ADGRB3: variants seen among roughly 807,000 people sequenced by gnomAD.
The protein encoded by ADGRB3 is adhesion G protein-coupled receptor B3, also known as brain-specific angiogenesis inhibitor 3.
ADGRB3 carries 37 observed loss-of-function variants against 193.4 expected under a neutral mutation model. The observed-to-expected ratio is 0.19, with a 90% CI of 0.15 to 0.25. The LOEUF (loss-of-function observed/expected upper bound fraction) is 0.25, where lower values mean the gene tolerates loss of function less well. Ranked by LOEUF, ADGRB3 falls within the 10% of genes least tolerant of loss-of-function variation. The pLI is 1.00. For synonymous variants in ADGRB3, 690 were observed against 644.2 expected (o/e 1.07, Z -1.08); for missense variants, 1,637 against 1,852.9 (o/e 0.88, Z 2.14).
At chr6:69,278,707 G>A (rs544660590) in intron 20 of ADGRB3, among the ~76,000 whole-genome samples, 1 of 152,090 alleles carries the variant, frequency 6.6e-6, no homozygotes, top group African/African-American at 2.4e-5. Flanking sequence ...GAAGACCATG[G>A]GTTCCAGGTT....
At chr6:68,803,211 A>T (rs1457635355) in intron 3 of ADGRB3, among the ~76,000 whole-genome samples, 1 of 152,160 alleles carries the variant, frequency 6.6e-6, no homozygotes, top group Admixed American at 6.6e-5. Context: ...TCAAATGTCA[A>T]CTAATGTAAC....
intron 17 of ADGRB3, among the ~76,000 whole-genome samples, chr6:69,096,623 A>G (rs1407930875): frequency 6.6e-6 from 1 of 152,116 alleles, no homozygotes; most frequent in African/African-American, 2.4e-5. Flanking sequence ...AATCTTGCTC[A>G]TAGTTTGTGC....
chr6:69,212,753 G>T (rs769398380), intron 17 of ADGRB3, among the ~76,000 whole-genome samples: 14 of 152,118 alleles, frequency 9.2e-5, no homozygotes, highest in Admixed American at 6.5e-5. Flanking sequence ...AGAGGAATGG[G>T]TAGTGTTTGA....
chr6:69,255,942 C>G (rs1404372816), intron 20 of ADGRB3, among the ~76,000 whole-genome samples: 1 of 152,066 alleles, frequency 6.6e-6, no homozygotes, highest in African/African-American at 2.4e-5. Context: ...TTTCCCAGCA[C>G]CATTTATTAA....
chr6:69,200,956 C>CA (rs1453284099), intron 17 of ADGRB3, among the ~76,000 whole-genome samples: 1 of 151,896 alleles, frequency 6.6e-6, no homozygotes, highest in Non-Finnish European at 1.5e-5. Context: ...TAAAGAAGTG[C>CA]AAAAAATAAA....
intron 17 of ADGRB3, among the ~76,000 whole-genome samples, chr6:69,147,487 T>C (rs1215006646): frequency 2.6e-5 from 4 of 152,212 alleles, no homozygotes; most frequent in Non-Finnish European, 5.9e-5. Flanking sequence ...CTAGTTTAAT[T>C]CCATTGTGAT....
intron 3 of ADGRB3, among the ~76,000 whole-genome samples, chr6:68,909,214 T>C (rs528627374): frequency 1.3e-5 from 2 of 152,290 alleles, no homozygotes; most frequent in African/African-American, 4.8e-5. Flanking sequence ...TTACTAATAA[T>C]TTTTTTGGTA....
At chr6:68,861,170 C>T (rs1765141326) in intron 3 of ADGRB3, among the ~76,000 whole-genome samples, 2 of 152,152 alleles carry the variant, frequency 1.3e-5, no homozygotes, top group South Asian at 4.1e-4. Flanking sequence ...ACCCTATTAT[C>T]CTCAGTTTGC....
rs144276252 is a variant in ADGRB3, at chr6:69,264,121, G to T, written c.2814+24895G>T. Among the ~76,000 whole-genome samples the T allele has an allele frequency of 9.0e-4, 137 of 151,850 alleles. 1 individual carries two copies. Among genetic ancestry groups the T allele is most frequent in the Admixed American group, 4.9e-3 (75 of 15,232 alleles). ...TATCCTCATTTTTTACCAAATCAAA[G>T]ATAGACACTAGGAGAAAACTATATC... On this transcript the variant is annotated intron_variant, in intron 20 of 31. Transcript: ENST00000370598.
intron 3 of ADGRB3, among the ~76,000 whole-genome samples, chr6:68,818,815 A>G (rs936168405): frequency 1.3e-5 from 2 of 152,056 alleles, no homozygotes; most frequent in Admixed American, 6.6e-5. Flanking sequence ...AAGCAACTCT[A>G]TTTTCTATTT....
At chr6:68,750,462 T>A (rs1194175620) in intron 3 of ADGRB3, among the ~76,000 whole-genome samples, 5 of 152,248 alleles carry the variant, frequency 3.3e-5, no homozygotes, top group African/African-American at 1.2e-4. Context: ...TTAATTTGAA[T>A]AGGTTAGCTC....
intron 5 of ADGRB3, among the ~76,000 whole-genome samples, chr6:68,942,399 T>C (rs538117320): frequency 9.9e-5 from 15 of 152,256 alleles, no homozygotes; most frequent in African/African-American, 3.6e-4. Flanking sequence ...TATCTGTGGG[T>C]GTCATATCAA....
In ADGRB3 at chr6:69,052,765, T is replaced by C. The variant is rs189362497; in HGVS notation, c.2333+3419T>C. On this transcript the variant is annotated intron_variant, in intron 15 of 31. Transcript: ENST00000370598. ...ATTTTACTATTCAATTGTCTTCCCTTTTAAAGTTAAGTAGGTTCAGATTGT... is the reference window on the plus strand; with the variant it reads ...ATTTTACTATTCAATTGTCTTCCCTCTTAAAGTTAAGTAGGTTCAGATTGT... 4.4e-3 allele frequency among the ~76,000 whole-genome samples: 672 copies of C among 152,340 alleles called. 2 individuals are homozygous for C. The highest frequency in any genetic ancestry group is 0.015 in the African/African-American group (635 of 41,578).
At chr6:68,657,765 A>G (rs943829044) in intron 3 of ADGRB3, among the ~76,000 whole-genome samples, 4 of 151,484 alleles carry the variant, frequency 2.6e-5, no homozygotes, top group African/African-American at 7.3e-5. Context: ...TAATAGGTGA[A>G]TCTATATGCA....
At chr6:69,142,582 A>G (rs1774369530) in intron 17 of ADGRB3, among the ~76,000 whole-genome samples, 1 of 152,176 alleles carries the variant, frequency 6.6e-6, no homozygotes, top group Non-Finnish European at 1.5e-5. Context: ...AAGGCCACAC[A>G]AGCCTATCGC....
At chr6:68,674,506 C>G (rs556651638) in intron 3 of ADGRB3, among the ~76,000 whole-genome samples, 42 of 152,014 alleles carry the variant, frequency 2.8e-4, no homozygotes, top group African/African-American at 9.9e-4. Flanking sequence ...ACTTATTAGG[C>G]GTGACAAAGC....
chr6:69,105,514 T>C (rs573703969), intron 17 of ADGRB3, among the ~76,000 whole-genome samples: 1 of 152,300 alleles, frequency 6.6e-6, no homozygotes, highest in East Asian at 1.9e-4. Context: ...GCCTCCTTCC[T>C]TTTGAAAAGT....
At chr6:69,217,004 G>A (rs990386935) in intron 17 of ADGRB3, among the ~76,000 whole-genome samples, 3 of 152,108 alleles carry the variant, frequency 2.0e-5, no homozygotes, top group African/African-American at 7.2e-5. Context: ...GAGGAAAAAG[G>A]GAAAAGACAT....
intron 3 of ADGRB3, among the ~76,000 whole-genome samples, chr6:68,820,968 G>A (rs571733518): frequency 1.3e-4 from 20 of 152,092 alleles, no homozygotes; most frequent in South Asian, 1.2e-3. Context: ...GCACAAAGCC[G>A]TCCTTGACAG....
Sources: gnomAD v4.1 joint callset for allele counts (sites outside exome capture counted in the v4.1 genomes callset) on GRCh38, gnomAD v4.1.1 for gene constraint, MANE v1.5 for transcripts, NCBI Gene and HGNC (gene_info 2026-07-23, HGNC 2026-07-21) for gene names.